ZNF471: variants seen among roughly 807,000 people sequenced by gnomAD.
ZNF471 encodes the protein EZFIT-related protein 1.
A neutral mutation model predicts 13.7 loss-of-function variants in ZNF471; 7 were observed. The ratio of observed to expected loss-of-function variants is 0.51; its 90% CI spans 0.29 to 0.96. The LOEUF (loss-of-function observed/expected upper bound fraction) is 0.96, where lower values mean the gene tolerates loss of function less well. Ranked by LOEUF, ZNF471 falls within the 40% of genes least tolerant of loss-of-function variation. ZNF471 has a pLI of 0.08. For synonymous variants in ZNF471, 218 were observed against 235.6 expected (o/e 0.93, Z 0.68); for missense variants, 663 against 743.3 (o/e 0.89, Z 1.26).
chr19:56,518,871 C>T (rs2043930777), intron 4 of ZNF471, among the ~76,000 whole-genome samples: 1 of 152,104 alleles, frequency 6.6e-6, no homozygotes, highest in Non-Finnish European at 1.5e-5. Context: ...TTCGCTTTGC[C>T]ATACAGACTT....
At chr19:56,521,595 C>T (rs1378931457) in intron 4 of ZNF471, among the ~76,000 whole-genome samples, 3 of 145,676 alleles carry the variant, frequency 2.1e-5, no homozygotes, top group Admixed American at 1.4e-4. Flanking sequence ...GCCGAGATTG[C>T]GCCACTGCAC....
rs2043791076 is a variant in ZNF471, at chr19:56,510,153, T to G, written c.-55-1364T>G. 1.0e-6 allele frequency: 1 copy of G among 985,116 alleles called. No individual in the cohort carries two copies. Among genetic ancestry groups the G allele is most frequent in the Admixed American group, 6.2e-5 (1 of 16,228 alleles). 61.0% of individuals were successfully genotyped at this position (985,116 alleles called of 1,614,324 possible). A position where few individuals can be genotyped will look rare whatever the true frequency, so the allele number is the denominator to read the frequency against. ...AGTATGAAAAAGATTGGAGTGAGAGTGACCAGTATGTATTTTGTGTGCATG... is the reference window on the plus strand; with the variant it reads ...AGTATGAAAAAGATTGGAGTGAGAGGGACCAGTATGTATTTTGTGTGCATG... On this transcript the variant is annotated intron_variant, in intron 1 of 4. Transcript: ENST00000308031. This position sits in a 1 kb window ranked among gnomAD's most constrained non-coding sequence, Gnocchi z 4.3.
At chr19:56,507,974 A>T in intron 1 of ZNF471, 54 bp downstream of exon 1, 15 of 986,042 alleles carry the variant, frequency 1.5e-5, no homozygotes, top group Non-Finnish European at 1.8e-5. Context: ...CAGGAAGGGC[A>T]GGCGAGGCGG....
intron 4 of ZNF471, among the ~76,000 whole-genome samples, chr19:56,519,678 T>C (rs946511213): frequency 2.0e-5 from 3 of 152,250 alleles, no homozygotes; most frequent in Admixed American, 6.5e-5. Flanking sequence ...TTGGAATAAT[T>C]TGGATCCTAA....
intron 2 of ZNF471, among the ~76,000 whole-genome samples, chr19:56,514,264 G>A (rs1156289138): frequency 1.3e-5 from 2 of 151,898 alleles, no homozygotes; most frequent in African/African-American, 4.8e-5. Flanking sequence ...GTTTTGCCAT[G>A]TTGTCCTTGC....
intron 4 of ZNF471, 28 bp downstream of exon 4, chr19:56,518,605 A>C (rs1305710723): frequency 1.3e-6 from 2 of 1,590,152 alleles, no homozygotes; most frequent in Non-Finnish European, 1.7e-6. Flanking sequence ...AGAGAGGGGA[A>C]TCTTTTTGAC....
At position 56,509,820 on chromosome 19, in the gene ZNF471, G is replaced by C. The variant is rs571671562; in HGVS notation, c.-55-1697G>C. On this transcript the variant is annotated intron_variant, in intron 1 of 4. Transcript: ENST00000308031. ...GTGAGTGGAGTAGGAGAAACAGTTT[G>C]TTTTTCCTCTTTGTCACCTGAGTGT... is the stretch of plus-strand genomic sequence containing the variant. 13 of 984,794 alleles carry C rather than the reference G, an allele frequency of 1.3e-5. 1 individual carries two copies. The East Asian group carries it at 1.4e-3, about 104-fold the overall frequency. 61.0% of individuals were successfully genotyped at this position (984,794 alleles called of 1,614,324 possible).
chr19:56,529,532 A>C lies in ZNF471; in HGVS notation c.*3584A>C, dbSNP rs932410751. 2 of 152,246 alleles carry C rather than the reference A, an allele frequency of 1.3e-5. No individual in the cohort carries two copies. The highest frequency in any genetic ancestry group is 2.4e-5 in the African/African-American group (1 of 41,468). The allele number at this position is 152,246 out of a possible 1,614,324, so 9.4% of individuals were successfully genotyped here. On this transcript the variant is annotated 3_prime_UTR_variant, in exon 5 of 5. Coordinates refer to ENST00000308031, the MANE Select transcript of ZNF471 (RefSeq NM_020813.4). ...GTAAGATACTGTATGCAAAGTTAAAAGGCATATGACAGGCTGAGAGATATC... is the reference window on the plus strand; with the variant it reads ...GTAAGATACTGTATGCAAAGTTAAACGGCATATGACAGGCTGAGAGATATC...
At position 56,528,081 on chromosome 19, in the gene ZNF471, T is replaced by G. The variant is rs1025435392; in HGVS notation, c.*2133T>G. 6.6e-6 allele frequency: 1 copy of G among 152,010 alleles called. No individual in the cohort carries two copies. The highest frequency in any genetic ancestry group is 1.5e-5 in the Non-Finnish European group (1 of 68,006). 9.4% of individuals were successfully genotyped at this position (152,010 alleles called of 1,614,324 possible). A position where few individuals can be genotyped will look rare whatever the true frequency, so the allele number is the denominator to read the frequency against. ...AGAAAAAAAAAAAGTCTGTGCATAG[T>G]TTTAGTGATACACCACCTCCGATAA... On this transcript the variant is annotated 3_prime_UTR_variant, in exon 5 of 5. Transcript: ENST00000308031.
In ZNF471 at chr19:56,516,506, A is replaced by G. The variant is rs1033896126; in HGVS notation, c.160+105A>G. Reference sequence around the variant, plus strand: ...ATGTAGGTCAGAATGGAATTTGGGAATGGAATCTGAGAAACAGAGGATATT... The same window carrying G: ...ATGTAGGTCAGAATGGAATTTGGGAGTGGAATCTGAGAAACAGAGGATATT... On this transcript the variant is annotated intron_variant, in intron 3 of 4. Coordinates refer to ENST00000308031, the MANE Select transcript of ZNF471 (RefSeq NM_020813.4). This position sits in a 1 kb window ranked among gnomAD's most constrained non-coding sequence, Gnocchi z 4.4. The G allele has an allele frequency of 4.4e-5, 47 of 1,062,694 alleles. No individual in the cohort carries two copies. Among genetic ancestry groups the G allele is most frequent in the African/African-American group, 8.1e-5 (5 of 61,740 alleles). 65.8% of individuals were successfully genotyped at this position (1,062,694 alleles called of 1,614,324 possible).
chr19:56,515,811 C>T (rs569999967), intron 2 of ZNF471, among the ~76,000 whole-genome samples: 25 of 152,130 alleles, frequency 1.6e-4, no homozygotes, highest in Admixed American at 1.4e-3. Context: ...TTCTACCAAC[C>T]GTGGGTGGAA....
In ZNF471 at chr19:56,524,747, T is replaced by C. The variant is rs1237419801; in HGVS notation, c.680T>C (p.Ile227Thr). The stretch of plus-strand genomic sequence containing the variant: ...TCATCCCTTACTGTTCATTTTAGAA[T>C]TCATACTGGTGAAAAACCATATGCA... ...HSSSLTVHFRIHTGEKPYACE... is the reference protein window; with the variant it reads ...HSSSLTVHFRTHTGEKPYACE... The change falls in exon 5 of 5, where the codon ATT (isoleucine) becomes ACT (threonine). Residue 227 changes from isoleucine to threonine, a missense_variant. Transcript: ENST00000308031. The surrounding 1 kb of genome is among the most constrained non-coding windows in gnomAD (Gnocchi z 4.8). The C allele has an allele frequency of 3.1e-6, 5 of 1,607,068 alleles. No individual in the cohort carries two copies. The highest frequency in any genetic ancestry group is 4.2e-6 in the Non-Finnish European group (5 of 1,177,872).
intron 2 of ZNF471, among the ~76,000 whole-genome samples, chr19:56,515,920 T>A (rs554007991): frequency 6.6e-6 from 1 of 152,208 alleles, no homozygotes; most frequent in East Asian, 1.9e-4. Flanking sequence ...TCAATGCCTT[T>A]CTCCAGCCCC....
chr19:56,509,672 G>A (rs191444720), intron 1 of ZNF471: 2 of 138,582 alleles, frequency 1.4e-5, no homozygotes, highest in Admixed American at 1.7e-4. Context: ...TTGCCCTAGA[G>A]GTCACCCACC....
In ZNF471 at chr19:56,507,881, CCTT is replaced by C. The variant is rs80195692; in HGVS notation, c.-93_-91del. 24,340 of 985,646 alleles carry C rather than the reference CCTT, an allele frequency of 0.025. 351 individuals carry two copies. Among genetic ancestry groups the C allele is most frequent in the Non-Finnish European group, 0.028 (22,876 of 830,084 alleles). 61.1% of individuals were successfully genotyped at this position (985,646 alleles called of 1,614,324 possible). A position where few individuals can be genotyped will look rare whatever the true frequency, so the allele number is the denominator to read the frequency against. On this transcript the variant is annotated 5_prime_UTR_variant, in exon 1 of 5. Transcript: ENST00000308031. ...GGGTTCCAGCGTCGACTCACGGAGT[CCTT>C]CGGATGAGAGCGTCTGGGTGCCAGA... is the stretch of plus-strand genomic sequence containing the variant.
chr19:56,518,606 T>A, intron 4 of ZNF471, 29 bp downstream of exon 4: 1 of 1,587,146 alleles, frequency 6.3e-7, no homozygotes, highest in Non-Finnish European at 8.6e-7. Context: ...GAGAGGGGAA[T>A]CTTTTTGACA....
chr19:56,514,172 G>A (rs1000397971), intron 2 of ZNF471, among the ~76,000 whole-genome samples: 1 of 146,502 alleles, frequency 6.8e-6, no homozygotes, highest in East Asian at 2.0e-4. Context: ...AGCAATTCTC[G>A]TGCCTCGGCC....
chr19:56,514,298 G>C (rs1400859852), intron 2 of ZNF471, among the ~76,000 whole-genome samples: 1 of 151,994 alleles, frequency 6.6e-6, no homozygotes, highest in Non-Finnish European at 1.5e-5. Context: ...CTGGTCTTGA[G>C]CTCCTGGCCT....
chr19:56,523,679 A>G (rs1221312788), intron 4 of ZNF471, among the ~76,000 whole-genome samples: 1 of 152,194 alleles, frequency 6.6e-6, no homozygotes, highest in Admixed American at 6.5e-5. Context: ...ACATAACTGT[A>G]TATGAAAACC....
Sources: gnomAD v4.1 joint callset for allele counts (sites outside exome capture counted in the v4.1 genomes callset) on GRCh38, gnomAD v4.1.1 for gene constraint, Gnocchi (gnomAD v3.1) non-coding constraint, MANE v1.5 for transcripts, NCBI Gene and HGNC (gene_info 2026-07-23, HGNC 2026-07-21) for gene names.